Variants in TEAD1 observed in about 807,000 individuals in gnomAD.
TEAD1 encodes the protein TEA domain transcription factor 1.
TEAD1 carries 9 observed loss-of-function variants against 54.9 expected under a neutral mutation model. The ratio of observed to expected loss-of-function variants is 0.16; its 90% CI spans 0.10 to 0.29. TEAD1 has a LOEUF of 0.29. Among genes scored for constraint, TEAD1 ranks in the 10% least tolerant of loss-of-function variants. TEAD1 has a pLI of 1.00. For synonymous variants in TEAD1, 200 were observed against 187.8 expected, an observed-to-expected ratio of 1.07 and a Z score of -0.53; for missense variants, 387 against 535.9, an observed-to-expected ratio of 0.72 and a Z score of 2.74.
intron 3 of TEAD1, among the ~76,000 whole-genome samples, chr11:12,805,559 G>A (rs1046755805): frequency 6.6e-6 from 1 of 152,060 alleles, no homozygotes; most frequent in African/African-American, 2.4e-5. Context: ...CTAGAATTAG[G>A]GCCTTAGGTC....
At chr11:12,716,541 G>A (rs1303213149) in intron 2 of TEAD1, among the ~76,000 whole-genome samples, 2 of 152,018 alleles carry the variant, frequency 1.3e-5, no homozygotes, top group Non-Finnish European at 2.9e-5. Context: ...CTTAGTCAGG[G>A]GTCAGAAAAC....
chr11:12,767,665 TG>T (rs775343838), intron 3 of TEAD1, among the ~76,000 whole-genome samples: 1 of 152,162 alleles, frequency 6.6e-6, no homozygotes, highest in Non-Finnish European at 1.5e-5. Flanking sequence ...ACTTGGTCTT[TG>T]GGGAGCTGAG....
At chr11:12,716,258 A>G (rs996463566) in intron 2 of TEAD1, among the ~76,000 whole-genome samples, 5 of 151,996 alleles carry the variant, frequency 3.3e-5, no homozygotes, top group African/African-American at 9.7e-5. Flanking sequence ...CTGTGCCCCA[A>G]TCCAGCCTCA....
chr11:12,916,603 A>G (rs1439500581), intron 10 of TEAD1, among the ~76,000 whole-genome samples: 1 of 152,244 alleles, frequency 6.6e-6, no homozygotes, highest in African/African-American at 2.4e-5. Flanking sequence ...CTTTGGAAAC[A>G]CATCATCTTC....
At chr11:12,928,078 CT>C (rs1321644409) in intron 11 of TEAD1, among the ~76,000 whole-genome samples, 1 of 152,080 alleles carries the variant, frequency 6.6e-6, no homozygotes, top group East Asian at 1.9e-4. Flanking sequence ...TTATCAAATG[CT>C]TTTCAGCAAC....
intron 2 of TEAD1, among the ~76,000 whole-genome samples, chr11:12,726,844 C>T (rs1046686800): frequency 6.6e-6 from 1 of 152,098 alleles, no homozygotes; most frequent in African/African-American, 2.4e-5. Context: ...TTTCAAAAAA[C>T]AAATGTATAA....
At chr11:12,911,859 C>T (rs528188973) in intron 10 of TEAD1, among the ~76,000 whole-genome samples, 64 of 152,202 alleles carry the variant, frequency 4.2e-4, no homozygotes, top group Admixed American at 6.5e-4. Context: ...GGTTCCCGAA[C>T]CCTGGATGCC....
chr11:12,729,063 T>C (rs908994435), intron 2 of TEAD1, among the ~76,000 whole-genome samples: 1 of 152,196 alleles, frequency 6.6e-6, no homozygotes, highest in African/African-American at 2.4e-5. Context: ...TTCTCTCTAA[T>C]ATTAGAGGAG....
chr11:12,697,066 G>T (rs1943601846), intron 2 of TEAD1, among the ~76,000 whole-genome samples: 1 of 152,132 alleles, frequency 6.6e-6, no homozygotes, highest in Non-Finnish European at 1.5e-5. Context: ...TCCCAGTCGT[G>T]CCTGGGGGCA....
chr11:12,862,711 A>G (rs1419109232), intron 4 of TEAD1, among the ~76,000 whole-genome samples: 1 of 152,226 alleles, frequency 6.6e-6, no homozygotes, highest in Non-Finnish European at 1.5e-5. Flanking sequence ...GCGATTATAT[A>G]TTAGTCATAA....
intron 2 of TEAD1, among the ~76,000 whole-genome samples, chr11:12,737,781 A>G (rs1944567082): frequency 1.3e-5 from 2 of 152,212 alleles, no homozygotes; most frequent in Non-Finnish European, 2.9e-5. Context: ...ACCAAGAGTA[A>G]GGGTGGAGGT....
chr11:12,853,339 TG>T (rs1271547495), intron 3 of TEAD1, among the ~76,000 whole-genome samples: 1 of 152,034 alleles, frequency 6.6e-6, no homozygotes, highest in Non-Finnish European at 1.5e-5. Flanking sequence ...GGCCAGATGG[TG>T]GGGACAACAC....
intron 5 of TEAD1, among the ~76,000 whole-genome samples, chr11:12,865,967 C>A (rs1418630246): frequency 6.6e-6 from 1 of 151,852 alleles, no homozygotes; most frequent in East Asian, 1.9e-4. Flanking sequence ...GTGGTGAGCA[C>A]TGGGACTCTT....
At chr11:12,854,754 G>T (rs927606952) in intron 3 of TEAD1, among the ~76,000 whole-genome samples, 2 of 142,944 alleles carry the variant, frequency 1.4e-5, no homozygotes, top group Non-Finnish European at 3.0e-5. Flanking sequence ...ACCAAGCCTG[G>T]CTGATTTTTT....
At position 12,938,223 on chromosome 11, in the gene TEAD1, C is replaced by G. The variant is rs1242078083; in HGVS notation, c.*1001C>G. 1 of 152,578 alleles carries G rather than the reference C, an allele frequency of 6.6e-6. No homozygotes were observed. 9.5% of individuals were successfully genotyped at this position (152,578 alleles called of 1,614,324 possible). ...TTAAAATTGGCATGAATACGGAATA[C>G]TGCACTGTGAGATGCAAAGTATACA... is the stretch of plus-strand genomic sequence containing the variant. On this transcript the variant is annotated 3_prime_UTR_variant, in exon 13 of 13. Transcript: ENST00000527636.
intron 3 of TEAD1, among the ~76,000 whole-genome samples, chr11:12,852,577 A>G (rs1216596100): frequency 6.6e-6 from 1 of 151,278 alleles, no homozygotes; most frequent in Admixed American, 6.6e-5. Context: ...CCTCCCTAGT[A>G]GCTGGGATTA....
chr11:12,783,922 C>CA (rs1945619330), intron 3 of TEAD1, among the ~76,000 whole-genome samples: 1 of 152,056 alleles, frequency 6.6e-6, no homozygotes, highest in African/African-American at 2.4e-5. Flanking sequence ...TCTGTGTATG[C>CA]AGCATATACA....
At chr11:12,738,704 T>C (rs1219716377) in intron 2 of TEAD1, among the ~76,000 whole-genome samples, 1 of 152,236 alleles carries the variant, frequency 6.6e-6, no homozygotes, top group Non-Finnish European at 1.5e-5. Context: ...CTTTGAATTT[T>C]CTGTATTTAC....
chr11:12,882,037 C>A, intron 8 of TEAD1, 80 bp downstream of exon 8: 15 of 1,484,710 alleles, frequency 1.0e-5, no homozygotes, highest in Non-Finnish European at 1.3e-5. Context: ...TTCCCAGAGT[C>A]AAGAGATGCT....
Sources: gnomAD v4.1 joint callset for allele counts (sites outside exome capture counted in the v4.1 genomes callset) on GRCh38, gnomAD v4.1.1 for gene constraint, MANE v1.5 for transcripts, NCBI Gene and HGNC (gene_info 2026-07-23, HGNC 2026-07-21) for gene names.